Variants in DENND4C observed in about 807,000 individuals in gnomAD.
The protein encoded by DENND4C is DENN domain-containing protein 4C.
In DENND4C, 108 loss-of-function variants were observed where a neutral mutation model predicts 203.0. The ratio of observed to expected loss-of-function variants is 0.53; its 90% CI spans 0.46 to 0.62. The LOEUF is 0.62. Ranked by LOEUF, DENND4C falls within the 20% of genes least tolerant of loss-of-function variation. The probability of loss-of-function intolerance (pLI) is 0.00; values close to 1 mark genes in which losing one functional copy is unlikely to be tolerated. For missense variants in DENND4C, 2,481 were observed against 2,301.2 expected, an observed-to-expected ratio of 1.08 and a Z score of -1.60; for synonymous variants, 871 against 792.4, an observed-to-expected ratio of 1.10 and a Z score of -1.67.
intron 7 of DENND4C, among the ~76,000 whole-genome samples, chr9:19,298,557 G>C (rs1033921884): frequency 1.3e-5 from 2 of 152,070 alleles, no homozygotes; most frequent in African/African-American, 4.8e-5. Context: ...GACGTAGGTA[G>C]GTGTACAGCT....
At chr9:19,339,517 CT>C (rs1385793515) in intron 20 of DENND4C, among the ~76,000 whole-genome samples, 1 of 152,068 alleles carries the variant, frequency 6.6e-6, no homozygotes, top group African/African-American at 2.4e-5. Context: ...ATGTTGACTC[CT>C]TCTCAGGTTG....
chr9:19,281,677 T>C (rs1346925414), intron 2 of DENND4C, among the ~76,000 whole-genome samples: 1 of 152,244 alleles, frequency 6.6e-6, no homozygotes, highest in East Asian at 1.9e-4. Context: ...CATGTATCAC[T>C]TAACGATGGG....
In DENND4C at chr9:19,341,031, TTATAAAGGA is replaced by T; in HGVS notation, c.2923_2931del (p.Ile975_Asp977del). On this transcript the variant is annotated inframe_deletion, in exon 21 of 33. Coordinates refer to ENST00000434457, the MANE Select transcript of DENND4C (RefSeq NM_001330640.2). ...CAAGGATACGGGTCTAAGGATGAAC[TTATAAAGGA>T]TGATGCAGAAATTCATGTGCCTGAA... 6.2e-7 allele frequency: 1 copy of T among 1,613,112 alleles called. No individual in the cohort carries two copies. The highest frequency in any genetic ancestry group is 8.5e-7 in the Non-Finnish European group (1 of 1,179,528).
chr9:19,249,581 C>T (rs542326167), intron 1 of DENND4C, among the ~76,000 whole-genome samples: 1 of 152,190 alleles, frequency 6.6e-6, no homozygotes, highest in East Asian at 1.9e-4. Flanking sequence ...TTAACAAACA[C>T]AAGAACTCCT....
chr9:19,263,640 C>A (rs529371481), intron 1 of DENND4C, among the ~76,000 whole-genome samples: 1 of 143,218 alleles, frequency 7.0e-6, no homozygotes, highest in Non-Finnish European at 1.5e-5. Context: ...GAGATAGTGG[C>A]CTGTAATTTT....
At chr9:19,327,812 G>A (rs1818139851) in intron 15 of DENND4C, among the ~76,000 whole-genome samples, 1 of 151,970 alleles carries the variant, frequency 6.6e-6, no homozygotes, top group South Asian at 2.1e-4. Flanking sequence ...GAGATTGATT[G>A]AAAATAACAA....
At chr9:19,291,934 G>A (rs937531094) in intron 5 of DENND4C, among the ~76,000 whole-genome samples, 11 of 152,112 alleles carry the variant, frequency 7.2e-5, no homozygotes, top group African/African-American at 1.2e-4. Flanking sequence ...AGTTTTCCAA[G>A]GTTGATGAAA....
chr9:19,262,059 T>A (rs1829486491), intron 1 of DENND4C, among the ~76,000 whole-genome samples: 1 of 149,156 alleles, frequency 6.7e-6, no homozygotes, highest in African/African-American at 2.4e-5. Flanking sequence ...CCTGAAACTT[T>A]AGTGAATTTA....
intron 13 of DENND4C, 106 bp downstream of exon 13, chr9:19,324,613 G>A: frequency 8.5e-7 from 1 of 1,182,528 alleles, no homozygotes. Context: ...AACAGAGTAG[G>A]GTTGTGTATG....
chr9:19,305,250 C>A, intron 9 of DENND4C, 102 bp from the exon 10 acceptor site: 2 of 999,570 alleles, frequency 2.0e-6, no homozygotes, highest in Non-Finnish European at 1.4e-6. Flanking sequence ...ACAAAACAGA[C>A]TTAACTGCTT....
chr9:19,316,350 A>C, intron 10 of DENND4C, 67 bp from the exon 11 acceptor site: 3 of 1,302,110 alleles, frequency 2.3e-6, no homozygotes, highest in Non-Finnish European at 3.3e-6. Flanking sequence ...AGGTTGATGC[A>C]AGAATTTTGT....
chr9:19,336,851 T>C lies in DENND4C; in HGVS notation c.2881+19T>C. ...AGCACAGGTACTAAAATCCAGATTT[T>C]ACTAACCCTTCACTTACTCTCATGT... On this transcript the variant is annotated intron_variant, in intron 20 of 32. Transcript: ENST00000434457. 1 of 1,542,700 alleles carries C rather than the reference T, an allele frequency of 6.5e-7. No individual in the cohort carries two copies. The highest frequency in any genetic ancestry group is 8.7e-7 in the Non-Finnish European group (1 of 1,143,326).
At chr9:19,308,937 C>T (rs1840220154) in intron 10 of DENND4C, among the ~76,000 whole-genome samples, 1 of 152,052 alleles carries the variant, frequency 6.6e-6, no homozygotes, top group African/African-American at 2.4e-5. Context: ...ATTAAGTTGT[C>T]TACAACATGA....
At position 19,345,939 on chromosome 9, in the gene DENND4C, T is replaced by C; in HGVS notation, c.3170T>C (p.Leu1057Pro). 6.2e-7 allele frequency: 1 copy of C among 1,611,982 alleles called. No homozygotes were observed. The highest frequency in any genetic ancestry group is 8.5e-7 in the Non-Finnish European group (1 of 1,179,152). ...KSSTGSISNVLFSTQDPVEDA... is the reference protein window; with the variant it reads ...KSSTGSISNVPFSTQDPVEDA... ...CTTTTAGGTAGTATATCAAATGTGC[T>C]GTTTTCTACTCAAGATCCAGTTGAA... Residue 1057 changes from leucine (L) to proline (P), a missense_variant, in exon 23 of 33, where the codon CTG (leucine) becomes CCG (proline). By Grantham distance (98) the Leu-to-Pro change is moderately conservative. Transcript: ENST00000434457.
intron 4 of DENND4C, among the ~76,000 whole-genome samples, chr9:19,288,985 A>G (rs979496900): frequency 2.0e-5 from 3 of 152,312 alleles, no homozygotes; most frequent in African/African-American, 7.2e-5. Flanking sequence ...CTGACCTTTT[A>G]TATTTTGGCA....
intron 20 of DENND4C, among the ~76,000 whole-genome samples, chr9:19,338,495 T>A (rs750837453): frequency 7.9e-5 from 12 of 152,148 alleles, no homozygotes; most frequent in Non-Finnish European, 1.5e-5. Context: ...TTAGCTGCAT[T>A]TCAAATGACC....
chr9:19,281,085 C>T (rs552219633), intron 2 of DENND4C, among the ~76,000 whole-genome samples: 1 of 152,228 alleles, frequency 6.6e-6, no homozygotes, highest in African/African-American at 2.4e-5. Flanking sequence ...ACCTGCCACC[C>T]CTCCCATACA....
chr9:19,340,526 A>G (rs1052173379), intron 20 of DENND4C, among the ~76,000 whole-genome samples: 9 of 152,184 alleles, frequency 5.9e-5, no homozygotes, highest in African/African-American at 1.7e-4. Context: ...AAGCAATACC[A>G]TAAGCCATAC....
In DENND4C at chr9:19,287,769, G is replaced by A. The variant is rs188858972; in HGVS notation, c.558+748G>A. Among the ~76,000 whole-genome samples, 16 of 151,220 alleles carry A rather than the reference G, an allele frequency of 1.1e-4. No individual in the cohort carries two copies. In the East Asian group the frequency reaches 2.9e-3, roughly 28 times the overall value. On this transcript the variant is annotated intron_variant, in intron 3 of 32. Coordinates refer to ENST00000434457, the MANE Select transcript of DENND4C (RefSeq NM_001330640.2). ...TTTTTTTCAGACGGAGTCTCGCTCT[G>A]TCGCCCAGGCTGGAGTGCAGTGGCG...
Sources: allele counts gnomAD v4.1 joint callset (sites outside exome capture counted in the v4.1 genomes callset), GRCh38; gene constraint gnomAD v4.1.1; transcripts MANE v1.5; gene names NCBI Gene and HGNC (gene_info 2026-07-23, HGNC 2026-07-21).